ADAMTSL1: variants seen among roughly 807,000 people sequenced by gnomAD.
ADAMTSL1 encodes the protein ADAMTS-like protein 1.
A neutral mutation model predicts 201.8 loss-of-function variants in ADAMTSL1; 126 were observed. That is an observed-to-expected ratio of 0.62 (90% CI 0.54 to 0.72). The LOEUF (loss-of-function observed/expected upper bound fraction) is 0.72, where lower values mean the gene tolerates loss of function less well. Ranked by LOEUF, ADAMTSL1 falls within the 30% of genes least tolerant of loss-of-function variation. The pLI is 0.00. For missense variants in ADAMTSL1, 2,679 were observed against 2,277.8 expected (o/e 1.18, Z -3.59); for synonymous variants, 1,121 against 903.4 (o/e 1.24, Z -4.32).
intron 1 of ADAMTSL1, among the ~76,000 whole-genome samples, chr9:17,930,959 A>G (rs924143609): frequency 1.3e-5 from 2 of 152,172 alleles, no homozygotes; most frequent in Non-Finnish European, 2.9e-5. Flanking sequence ...ATTGTCCTTA[A>G]TAAAATGGGG....
intron 1 of ADAMTSL1, among the ~76,000 whole-genome samples, chr9:18,478,086 T>C (rs12003267): frequency 0.036 from 5,499 of 152,246 alleles, 324 homozygotes; most frequent in African/African-American, 0.12. Context: ...TATGTATAAA[T>C]TGGAAAGCAG....
chr9:18,017,689 C>T (rs565958250), intron 1 of ADAMTSL1, among the ~76,000 whole-genome samples: 36 of 151,848 alleles, frequency 2.4e-4, no homozygotes, highest in Non-Finnish European at 4.7e-4. Context: ...GATTTTTCAC[C>T]CTCTGGAGGA....
At chr9:18,756,038 C>A (rs1819725754) in intron 16 of ADAMTSL1, among the ~76,000 whole-genome samples, 1 of 141,804 alleles carries the variant, frequency 7.1e-6, no homozygotes. Context: ...TGCATAGGGT[C>A]TGTTTGTCTA....
chr9:18,213,789 G>C (rs1829966317), intron 2 of ADAMTSL1, among the ~76,000 whole-genome samples: 1 of 152,162 alleles, frequency 6.6e-6, no homozygotes, highest in Non-Finnish European at 1.5e-5. Flanking sequence ...GCCCAGGCTG[G>C]AGTGCAGTGG....
intron 23 of ADAMTSL1, among the ~76,000 whole-genome samples, chr9:18,854,137 C>T (rs907336370): frequency 6.6e-6 from 1 of 152,048 alleles, no homozygotes; most frequent in African/African-American, 2.4e-5. Flanking sequence ...TACAGTTTTT[C>T]CTTTCACAAA....
chr9:18,630,589 A>T (rs923358525), intron 5 of ADAMTSL1, among the ~76,000 whole-genome samples: 40 of 152,124 alleles, frequency 2.6e-4, no homozygotes, highest in African/African-American at 9.4e-4. Context: ...TAGCCTAGGA[A>T]CTCTATCAAG....
intron 4 of ADAMTSL1, among the ~76,000 whole-genome samples, chr9:18,578,523 A>G (rs1310328676): frequency 6.6e-6 from 1 of 152,174 alleles, no homozygotes; most frequent in Middle Eastern, 3.2e-3. Flanking sequence ...CATACCATCT[A>G]GGTTGGAATC....
At chr9:18,250,089 G>GTT (rs1158897804) in intron 2 of ADAMTSL1, among the ~76,000 whole-genome samples, 1 of 152,196 alleles carries the variant, frequency 6.6e-6, no homozygotes, top group Non-Finnish European at 1.5e-5. Context: ...TATCAGTGTA[G>GTT]TTTACATGAA....
chr9:18,453,791 G>A (rs930530701), intron 2 of ADAMTSL1, among the ~76,000 whole-genome samples: 1 of 152,110 alleles, frequency 6.6e-6, no homozygotes, highest in African/African-American at 2.4e-5. Context: ...TTGTATCTCT[G>A]TAAACAGTTC....
intron 19 of ADAMTSL1, among the ~76,000 whole-genome samples, chr9:18,794,908 C>T (rs1822304427): frequency 6.6e-6 from 1 of 152,228 alleles, no homozygotes; most frequent in African/African-American, 2.4e-5. Context: ...TCCCAAAGTG[C>T]TGGGATTATA....
chr9:18,891,287 G>C (rs7030845), intron 25 of ADAMTSL1, among the ~76,000 whole-genome samples: 85,188 of 152,080 alleles, frequency 0.56, 24,844 homozygotes, highest in African/African-American at 0.72. Flanking sequence ...TTGTCTCTTT[G>C]AGATACAACT....
chr9:18,245,429 C>T (rs1361227224), intron 2 of ADAMTSL1, among the ~76,000 whole-genome samples: 1 of 152,048 alleles, frequency 6.6e-6, no homozygotes, highest in African/African-American at 2.4e-5. Context: ...TCAAGTGCTC[C>T]ATAGCTACTC....
chr9:18,884,321 C>A (rs1828717615), intron 23 of ADAMTSL1, among the ~76,000 whole-genome samples: 1 of 152,124 alleles, frequency 6.6e-6, no homozygotes, highest in African/African-American at 2.4e-5. Flanking sequence ...GGATATTAAT[C>A]TCATCAGATC....
At chr9:17,978,496 TA>T (rs1238338318) in intron 1 of ADAMTSL1, among the ~76,000 whole-genome samples, 1 of 151,988 alleles carries the variant, frequency 6.6e-6, no homozygotes, top group African/African-American at 2.4e-5. Flanking sequence ...GAGGCTTACA[TA>T]AAACATCTTA....
chr9:18,372,785 T>C (rs1837104541), intron 2 of ADAMTSL1, among the ~76,000 whole-genome samples: 1 of 152,216 alleles, frequency 6.6e-6, no homozygotes, highest in South Asian at 2.1e-4. Flanking sequence ...AAATATATGC[T>C]TTCTGTATAC....
intron 15 of ADAMTSL1, among the ~76,000 whole-genome samples, chr9:18,736,008 T>C (rs1028067948): frequency 1.3e-5 from 2 of 152,100 alleles, no homozygotes; most frequent in Non-Finnish European, 2.9e-5. Flanking sequence ...AATCAGAGAA[T>C]GTGATGAACA....
At chr9:18,538,391 T>C (rs1564028583) in intron 3 of ADAMTSL1, among the ~76,000 whole-genome samples, 2 of 152,250 alleles carry the variant, frequency 1.3e-5, no homozygotes, top group South Asian at 4.2e-4. Flanking sequence ...TATAATTTCT[T>C]TGAGCCTCAG....
chr9:18,453,021 G>A (rs761914649), intron 2 of ADAMTSL1, among the ~76,000 whole-genome samples: 3 of 152,242 alleles, frequency 2.0e-5, no homozygotes, highest in Non-Finnish European at 2.9e-5. Flanking sequence ...TTTGTGACAA[G>A]TTTCTGCCTG....
chr9:18,585,560 T>C (rs1227289344), intron 4 of ADAMTSL1, among the ~76,000 whole-genome samples: 1 of 152,118 alleles, frequency 6.6e-6, no homozygotes, highest in Non-Finnish European at 1.5e-5. Context: ...CAAAGTACAC[T>C]TCAAATTATA....
Sources: allele counts gnomAD v4.1 joint callset (sites outside exome capture counted in the v4.1 genomes callset), GRCh38; gene constraint gnomAD v4.1.1; transcripts MANE v1.5; gene names NCBI Gene and HGNC (gene_info 2026-07-23, HGNC 2026-07-21).